Variants in CAMKMT observed in about 807,000 individuals in gnomAD.
The protein encoded by CAMKMT is CaM KMT.
A neutral mutation model predicts 48.0 loss-of-function variants in CAMKMT; 53 were observed. That is an observed-to-expected ratio of 1.10 (90% confidence interval 0.89 to 1.39). The LOEUF (loss-of-function observed/expected upper bound fraction) is 1.39, where lower values mean the gene tolerates loss of function less well. Ranked by LOEUF, CAMKMT falls within the 40% of genes most tolerant of loss-of-function variation. CAMKMT has a pLI of 0.00. For missense variants in CAMKMT, 428 were observed against 402.7 expected (o/e 1.06, Z -0.54); for synonymous variants, 165 against 152.3 (o/e 1.08, Z -0.61).
At chr2:44,423,134 A>C (rs892586053) in intron 3 of CAMKMT, among the ~76,000 whole-genome samples, 7 of 152,130 alleles carry the variant, frequency 4.6e-5, no homozygotes, top group Non-Finnish European at 8.8e-5. Context: ...AGGAGTGAGC[A>C]GTAATCATAT....
At chr2:44,432,772 C>T (rs910144902) in intron 3 of CAMKMT, among the ~76,000 whole-genome samples, 17 of 151,550 alleles carry the variant, frequency 1.1e-4, no homozygotes, top group Middle Eastern at 3.2e-3. Flanking sequence ...CCTAAACTAA[C>T]TGGTCTTCTG....
intron 7 of CAMKMT, among the ~76,000 whole-genome samples, chr2:44,727,901 G>A (rs764761866): frequency 6.6e-6 from 1 of 152,100 alleles, no homozygotes; most frequent in Non-Finnish European, 1.5e-5. Context: ...TTTATGTGGT[G>A]AACCACATTT....
chr2:44,517,097 A>G (rs971909439), intron 3 of CAMKMT, among the ~76,000 whole-genome samples: 7 of 152,170 alleles, frequency 4.6e-5, no homozygotes, highest in Admixed American at 6.5e-5. Context: ...TTATTATATT[A>G]TAAATGTGCA....
intron 3 of CAMKMT, among the ~76,000 whole-genome samples, chr2:44,610,715 CTT>C (rs199944843): frequency 0.01 from 1,541 of 152,224 alleles, 6 homozygotes; most frequent in Non-Finnish European, 0.016. Flanking sequence ...AGTTCTTAAA[CTT>C]TTTGTGTTGA....
chr2:44,553,415 C>CAGTA (rs919811646), intron 3 of CAMKMT, among the ~76,000 whole-genome samples: 1 of 150,188 alleles, frequency 6.7e-6, no homozygotes, highest in Non-Finnish European at 1.5e-5. Context: ...GGCTGGAGTG[C>CAGTA]AGTAGCGCAA....
chr2:44,607,457 C>T (rs771665570), intron 3 of CAMKMT, among the ~76,000 whole-genome samples: 17 of 152,076 alleles, frequency 1.1e-4, no homozygotes, highest in Non-Finnish European at 8.8e-5. Context: ...TTGCATGTGT[C>T]GCATTTGCAT....
At chr2:44,715,057 G>C (rs773147335) in intron 6 of CAMKMT, among the ~76,000 whole-genome samples, 1 of 152,038 alleles carries the variant, frequency 6.6e-6, no homozygotes, top group Non-Finnish European at 1.5e-5. Context: ...GCTGGGTGTG[G>C]TGGCTCATGC....
chr2:44,572,044 C>T (rs541321455), intron 3 of CAMKMT, among the ~76,000 whole-genome samples: 2 of 152,106 alleles, frequency 1.3e-5, no homozygotes, highest in African/African-American at 4.8e-5. Flanking sequence ...TTCAGTGGCA[C>T]TAAGTATATT....
At chr2:44,568,870 A>G (rs1435572012) in intron 3 of CAMKMT, among the ~76,000 whole-genome samples, 1 of 152,232 alleles carries the variant, frequency 6.6e-6, no homozygotes, top group Non-Finnish European at 1.5e-5. Context: ...ACCACAGAAC[A>G]GGAACGAGGG....
chr2:44,583,342 T>A (rs971058907), intron 3 of CAMKMT, among the ~76,000 whole-genome samples: 2 of 152,172 alleles, frequency 1.3e-5, no homozygotes, highest in African/African-American at 4.8e-5. Flanking sequence ...AAGTGACCAG[T>A]TACATAATTT....
At chr2:44,448,755 G>C (rs1295761312) in intron 3 of CAMKMT, among the ~76,000 whole-genome samples, 2 of 152,120 alleles carry the variant, frequency 1.3e-5, no homozygotes, top group Non-Finnish European at 2.9e-5. Flanking sequence ...TTGTATCTCT[G>C]TAAATCAGTG....
chr2:44,767,143 A>T (rs1680875865), intron 10 of CAMKMT, among the ~76,000 whole-genome samples: 1 of 152,250 alleles, frequency 6.6e-6, no homozygotes, highest in African/African-American at 2.4e-5. Flanking sequence ...CAATGTTATC[A>T]GCCTTTTTAT....
chr2:44,612,836 C>G (rs1346963338), intron 3 of CAMKMT, among the ~76,000 whole-genome samples: 1 of 152,170 alleles, frequency 6.6e-6, no homozygotes, highest in Non-Finnish European at 1.5e-5. Flanking sequence ...GTTAAGCTTA[C>G]TTTTCAATCC....
intron 6 of CAMKMT, among the ~76,000 whole-genome samples, chr2:44,715,010 A>G: frequency 6.6e-6 from 1 of 152,078 alleles, no homozygotes; most frequent in Non-Finnish European, 1.5e-5. Flanking sequence ...CCTGGCCAAC[A>G]TGGTGAAGCC....
chr2:44,477,235 C>T (rs1213514537), intron 3 of CAMKMT, among the ~76,000 whole-genome samples: 1 of 152,126 alleles, frequency 6.6e-6, no homozygotes, highest in Admixed American at 6.5e-5. Context: ...TAATAACATG[C>T]ACTTCATAGT....
intron 3 of CAMKMT, among the ~76,000 whole-genome samples, chr2:44,583,275 C>T (rs528896598): frequency 6.6e-6 from 1 of 152,130 alleles, no homozygotes; most frequent in Non-Finnish European, 1.5e-5. Context: ...GAGCAAGACA[C>T]ACACACAGTC....
chr2:44,592,083 G>A (rs1473261778), intron 3 of CAMKMT, among the ~76,000 whole-genome samples: 1 of 151,920 alleles, frequency 6.6e-6, no homozygotes, highest in Admixed American at 6.6e-5. Flanking sequence ...GGAAGGGGGA[G>A]GGATAGCATT....
intron 3 of CAMKMT, among the ~76,000 whole-genome samples, chr2:44,611,484 G>T (rs1173207299): frequency 6.6e-6 from 1 of 150,532 alleles, no homozygotes; most frequent in Non-Finnish European, 1.5e-5. Flanking sequence ...GGAGAATACA[G>T]AACAATTTTG....
chr2:44,609,308 T>C, intron 3 of CAMKMT, among the ~76,000 whole-genome samples: 1 of 152,332 alleles, frequency 6.6e-6, no homozygotes, highest in Non-Finnish European at 1.5e-5. Context: ...CCATAGTTAA[T>C]GGTGATATAT....
Sources: allele counts gnomAD v4.1 joint callset (sites outside exome capture counted in the v4.1 genomes callset), GRCh38; gene constraint gnomAD v4.1.1; transcripts MANE v1.5; gene names NCBI Gene and HGNC (gene_info 2026-07-23, HGNC 2026-07-21).